The following RAD51B variants were observed in gnomAD, a reference collection of about 807,000 sequenced individuals.
RAD51B encodes the protein DNA repair protein RAD51 homolog 2.
In RAD51B, 38 loss-of-function variants were observed where a neutral mutation model predicts 42.2. That is an observed-to-expected ratio of 0.90 (90% CI 0.70 to 1.18). The LOEUF is 1.18. RAD51B is among the 50% of genes most tolerant of loss of function. The probability of loss-of-function intolerance (pLI) is 0.00; values close to 1 mark genes in which losing one functional copy is unlikely to be tolerated. For missense variants in RAD51B, 373 were observed against 400.7 expected, an observed-to-expected ratio of 0.93 and a Z score of 0.59; for synonymous variants, 154 against 145.2, an observed-to-expected ratio of 1.06 and a Z score of -0.43.
chr14:68,087,882 A>AATAT, intron 7 of RAD51B, among the ~76,000 whole-genome samples: 1 of 82,072 alleles, frequency 1.2e-5, no homozygotes, highest in Non-Finnish European at 2.3e-5. Flanking sequence ...TTATTTATAT[A>AATAT]ATTATATAAT....
chr14:68,468,974 G>A, intron 10 of RAD51B: 1 of 305,740 alleles, frequency 3.3e-6, no homozygotes, highest in South Asian at 2.9e-5. Flanking sequence ...AACATGAAGG[G>A]GTAAATTCCA....
intron 7 of RAD51B, among the ~76,000 whole-genome samples, chr14:68,093,404 C>T (rs992817588): frequency 1.3e-5 from 2 of 152,160 alleles, no homozygotes; most frequent in Non-Finnish European, 2.9e-5. Flanking sequence ...TTCAGAGATT[C>T]AACTTCTTCC....
chr14:68,621,065 G>C (rs917556702), intron 10 of RAD51B, among the ~76,000 whole-genome samples: 2 of 152,242 alleles, frequency 1.3e-5, no homozygotes. Flanking sequence ...CCCTGCCTAA[G>C]ATGGCTTAAC....
intron 8 of RAD51B, among the ~76,000 whole-genome samples, chr14:68,298,793 A>G (rs982790029): frequency 3.3e-5 from 5 of 152,202 alleles, no homozygotes; most frequent in Non-Finnish European, 7.4e-5. Flanking sequence ...CCATCACTGC[A>G]GAGAATGCTA....
In RAD51B at chr14:68,220,903, C is replaced by A. The variant is rs141944106; in HGVS notation, c.757-70981C>A. On this transcript the variant is annotated intron_variant, in intron 7 of 10. Coordinates refer to ENST00000471583, the MANE Select transcript of RAD51B (RefSeq NM_133510.4). ...ATCCCAGCACTTTGGGAGGCCGAGG[C>A]AGGCAGATCACGAGGTCAGGAGATC... 1.0e-3 allele frequency among the ~76,000 whole-genome samples: 156 copies of A among 152,234 alleles called. 1 individual carries two copies. In the East Asian group the frequency reaches 0.028, roughly 27 times the overall value.
chr14:68,469,351 T>A (rs1274389375), intron 10 of RAD51B, among the ~76,000 whole-genome samples: 1 of 152,222 alleles, frequency 6.6e-6, no homozygotes, highest in Non-Finnish European at 1.5e-5. Flanking sequence ...CAGCCTTCCC[T>A]TTCCTTCCCC....
intron 7 of RAD51B, among the ~76,000 whole-genome samples, chr14:68,129,669 A>G (rs1310161987): frequency 6.6e-6 from 1 of 152,354 alleles, no homozygotes; most frequent in Middle Eastern, 3.4e-3. Flanking sequence ...CATCTATAGA[A>G]GCATGGACAA....
intron 7 of RAD51B, among the ~76,000 whole-genome samples, chr14:67,969,923 A>G (rs1056939460): frequency 1.3e-5 from 2 of 152,184 alleles, no homozygotes; most frequent in Non-Finnish European, 2.9e-5. Context: ...ATCAAAGTGA[A>G]TGGGAGCTTT....
intron 11 of RAD51B, among the ~76,000 whole-genome samples, chr14:68,653,814 A>T (rs1478181888): frequency 6.6e-6 from 1 of 152,256 alleles, no homozygotes; most frequent in African/African-American, 2.4e-5. Context: ...CAATTTTTCC[A>T]CGTAGAGACT....
Position 68,468,255 on chromosome 14 carries a change from G to T in RAD51B, c.1036+5G>T. The T allele has an allele frequency of 6.2e-6, 10 of 1,609,588 alleles. No homozygotes were observed. The highest frequency in any genetic ancestry group is 8.5e-6 in the Non-Finnish European group (10 of 1,175,910). On this transcript the variant is annotated splice_donor_5th_base_variant and intron_variant, in intron 10 of 10. Transcript: ENST00000471583. ...AGGAAGGCCTGGTTCTTCAAGGTAA[G>T]ATCCTTGGATTAAGCCATTTCTTTA...
At chr14:68,242,305 G>A (rs1205331572) in intron 7 of RAD51B, among the ~76,000 whole-genome samples, 2 of 152,190 alleles carry the variant, frequency 1.3e-5, no homozygotes, top group African/African-American at 2.4e-5. Flanking sequence ...GGTTGGAGGT[G>A]ACTGCCAACC....
At chr14:68,116,946 T>A (rs917234825) in intron 7 of RAD51B, among the ~76,000 whole-genome samples, 4 of 152,216 alleles carry the variant, frequency 2.6e-5, no homozygotes, top group Non-Finnish European at 5.9e-5. Flanking sequence ...ACACTTCATG[T>A]TTACAAAATG....
chr14:67,980,693 T>C (rs2075075922), intron 7 of RAD51B, among the ~76,000 whole-genome samples: 1 of 152,184 alleles, frequency 6.6e-6, no homozygotes, highest in African/African-American at 2.4e-5. Flanking sequence ...GATATTCATG[T>C]GAAAAAATTA....
rs564315289 is a variant in RAD51B, at chr14:68,281,379, A to G, written c.757-10505A>G. ...TTAGGCACTGTCTTAAGTGCTTTATATGCTAACTCATTTATCCTTAAATAG... is the reference window on the plus strand; with the variant it reads ...TTAGGCACTGTCTTAAGTGCTTTATGTGCTAACTCATTTATCCTTAAATAG... On this transcript the variant is annotated intron_variant, in intron 7 of 10. Coordinates refer to ENST00000471583, the MANE Select transcript of RAD51B (RefSeq NM_133510.4). Among the ~76,000 whole-genome samples, 3 of 152,394 alleles carry G rather than the reference A, an allele frequency of 2.0e-5. No individual in the cohort carries two copies. The South Asian group carries it at 6.2e-4, about 32-fold the overall frequency.
intron 10 of RAD51B, among the ~76,000 whole-genome samples, chr14:68,619,847 G>A (rs1003340472): frequency 2.6e-5 from 4 of 152,206 alleles, no homozygotes; most frequent in Non-Finnish European, 5.9e-5. Flanking sequence ...CACCTTTTCT[G>A]TCTTCTCCTT....
rs1355857620 is a variant in RAD51B at position 67,887,020 on chromosome 14, G to A, written c.573-1G>A. ...CTATTTTATAAATTCTTCTTTTATAGGATTGAATCTTTGGAAGAAGAAATT... is the reference window on the plus strand; with the variant it reads ...CTATTTTATAAATTCTTCTTTTATAAGATTGAATCTTTGGAAGAAGAAATT... On this transcript the variant is annotated splice_acceptor_variant, in intron 6 of 10. Transcript: ENST00000471583. LOFTEE classifies it high-confidence loss of function. 1.4e-6 allele frequency: 2 copies of A among 1,463,890 alleles called. No homozygotes were observed. The highest frequency in any genetic ancestry group is 1.9e-6 in the Non-Finnish European group (2 of 1,075,348). The allele number at this position is 1,463,890 out of a possible 1,614,324, so 90.7% of individuals were successfully genotyped here. A position where few individuals can be genotyped will look rare whatever the true frequency, so the allele number is the denominator to read the frequency against.
chr14:68,179,299 T>C (rs919655681), intron 7 of RAD51B, among the ~76,000 whole-genome samples: 1 of 152,158 alleles, frequency 6.6e-6, no homozygotes, highest in Non-Finnish European at 1.5e-5. Flanking sequence ...TCTTTTTTTC[T>C]TTCTTGGCAA....
chr14:67,965,642 C>T (rs1207045706), intron 7 of RAD51B, among the ~76,000 whole-genome samples: 1 of 152,000 alleles, frequency 6.6e-6, no homozygotes, highest in African/African-American at 2.4e-5. Flanking sequence ...TCCCCCTTAC[C>T]GTATTTCCCA....
intron 10 of RAD51B, chr14:68,540,166 CTTTTTTTTTTTTT>C (rs11321834): frequency 3.4e-6 from 2 of 587,326 alleles, no homozygotes; most frequent in African/African-American, 5.0e-5. Flanking sequence ...TACCCTGCTC[CTTTTTTTTTTTTT>C]TTTTTTTTTT....
Sources: allele counts gnomAD v4.1 joint callset (sites outside exome capture counted in the v4.1 genomes callset), GRCh38; gene constraint gnomAD v4.1.1; transcripts MANE v1.5; gene names NCBI Gene and HGNC (gene_info 2026-07-23, HGNC 2026-07-21).